The following RNF144B variants were observed in gnomAD, a reference collection of about 807,000 sequenced individuals.
RNF144B encodes the protein E3 ubiquitin-protein ligase RNF144B.
A neutral mutation model predicts 40.2 loss-of-function variants in RNF144B; 25 were observed. That is an observed-to-expected ratio of 0.62 (90% CI 0.45 to 0.87). The LOEUF (loss-of-function observed/expected upper bound fraction) is 0.87, where lower values mean the gene tolerates loss of function less well. Ranked by LOEUF, RNF144B falls within the 40% of genes least tolerant of loss-of-function variation. The pLI, the probability that RNF144B is intolerant of heterozygous loss-of-function variation, is 0.00. For missense variants in RNF144B, 365 were observed against 373.7 expected, an observed-to-expected ratio of 0.98 and a Z score of 0.19; for synonymous variants, 145 against 136.3, an observed-to-expected ratio of 1.06 and a Z score of -0.44.
chr6:18,397,788 C>T (rs1325802066), intron 1 of RNF144B, among the ~76,000 whole-genome samples: 1 of 152,052 alleles, frequency 6.6e-6, no homozygotes, highest in African/African-American at 2.4e-5. Context: ...CAAGGCAGCT[C>T]TGGTGTAATG....
chr6:18,432,728 C>G (rs930398039), intron 3 of RNF144B, among the ~76,000 whole-genome samples: 3 of 152,226 alleles, frequency 2.0e-5, no homozygotes, highest in Admixed American at 6.5e-5. Context: ...TGAATAGTAC[C>G]TGCCATTACA....
chr6:18,437,119 T>G lies in RNF144B; in HGVS notation c.271-2565T>G, dbSNP rs113276963. 4.6e-3 allele frequency among the ~76,000 whole-genome samples: 704 copies of G among 152,282 alleles called. 2 individuals are homozygous for G. Among genetic ancestry groups the G allele is most frequent in the Non-Finnish European group, 7.4e-3 (504 of 68,020 alleles). On this transcript the variant is annotated intron_variant, in intron 3 of 7. Transcript: ENST00000259939. ...CTAGGCTTCCAGACCAAAGCTTTAC[T>G]CATGGTAAGCTGTCAACAAATATTT...
Position 18,407,386 on chromosome 6 carries a change from T to C in RNF144B, c.165+7687T>C, listed in dbSNP as rs192156177. Among the ~76,000 whole-genome samples the C allele has an allele frequency of 7.9e-5, 12 of 152,250 alleles. No homozygotes were observed. In the East Asian group the frequency reaches 1.5e-3, roughly 20 times the overall value. On this transcript the variant is annotated intron_variant, in intron 2 of 7. Coordinates refer to ENST00000259939, the MANE Select transcript of RNF144B (RefSeq NM_182757.4). ...TATTGGGTCATTTTCTTTCATGTAA[T>C]ATAGGGATAATAAGAAATCATCTCA...
chr6:18,429,445 G>A (rs1485738995), intron 3 of RNF144B, among the ~76,000 whole-genome samples: 2 of 152,130 alleles, frequency 1.3e-5, no homozygotes, highest in Admixed American at 1.3e-4. Context: ...TTGTGTCTGG[G>A]CATCCTGTGT....
intron 2 of RNF144B, among the ~76,000 whole-genome samples, chr6:18,401,186 G>T (rs1203276187): frequency 6.6e-6 from 1 of 152,058 alleles, no homozygotes; most frequent in Non-Finnish European, 1.5e-5. Context: ...CAGAATTTAA[G>T]CGTGTGCGTC....
At position 18,446,863 on chromosome 6, in the gene RNF144B, G is replaced by GTC. The variant is rs1458054171; in HGVS notation, c.331+7120_331+7121insCT. Reference sequence around the variant, plus strand: ...AGGGTGTGTGTGTGTGTGTGTGTGTGTGTGTGTGTGTCTGTGTGTGTGTTG... The same window carrying GTC: ...AGGGTGTGTGTGTGTGTGTGTGTGTGTCTGTGTGTGTGTCTGTGTGTGTGTTG... On this transcript the variant is annotated intron_variant, in intron 4 of 7. Coordinates refer to ENST00000259939, the MANE Select transcript of RNF144B (RefSeq NM_182757.4). The surrounding 1 kb of genome is among the most constrained non-coding windows in gnomAD (Gnocchi z 4.7). Among the ~76,000 whole-genome samples, 5 of 150,798 alleles carry GTC rather than the reference G, an allele frequency of 3.3e-5. No individual in the cohort carries two copies. The highest frequency in any genetic ancestry group is 2.0e-4 in the Admixed American group (3 of 15,136).
intron 1 of RNF144B, among the ~76,000 whole-genome samples, chr6:18,391,988 A>G (rs893482898): frequency 6.8e-6 from 1 of 145,998 alleles, no homozygotes; most frequent in Non-Finnish European, 1.5e-5. Flanking sequence ...CACGGAGGTC[A>G]GGAGATCGAG....
At chr6:18,409,449 T>G (rs1024117797) in intron 2 of RNF144B, among the ~76,000 whole-genome samples, 88 of 150,030 alleles carry the variant, frequency 5.9e-4, no homozygotes, top group African/African-American at 1.5e-3. Flanking sequence ...TTGAACATAC[T>G]TTAACATATC....
At chr6:18,463,640 A>G (rs1759517082) in intron 7 of RNF144B, among the ~76,000 whole-genome samples, 1 of 152,262 alleles carries the variant, frequency 6.6e-6, no homozygotes, top group Non-Finnish European at 1.5e-5. Context: ...TGCAGAATGC[A>G]GGCAGATGTT....
intron 1 of RNF144B, among the ~76,000 whole-genome samples, chr6:18,399,280 G>A (rs1236851650): frequency 6.6e-6 from 1 of 152,120 alleles, no homozygotes; most frequent in Non-Finnish European, 1.5e-5. Context: ...CTCATATGAT[G>A]TGAATCAGGA....
chr6:18,466,003 C>T lies in RNF144B; in HGVS notation c.*936C>T, dbSNP rs369515506. ...TAAATATTAAAGTGCGTATTATGTA[C>T]ATCTAGAATCCATGTGACTTGCAGC... On this transcript the variant is annotated 3_prime_UTR_variant, in exon 8 of 8. Coordinates refer to ENST00000259939, the MANE Select transcript of RNF144B (RefSeq NM_182757.4). 7.9e-5 allele frequency: 12 copies of T among 152,350 alleles called. No homozygotes were observed. In the East Asian group the frequency reaches 2.1e-3, roughly 27 times the overall value. The allele number at this position is 152,350 out of a possible 1,614,324, so 9.4% of individuals were successfully genotyped here. A position where few individuals can be genotyped will look rare whatever the true frequency, so the allele number is the denominator to read the frequency against.
chr6:18,449,908 A>C (rs575230509), intron 4 of RNF144B, among the ~76,000 whole-genome samples: 2 of 152,312 alleles, frequency 1.3e-5, no homozygotes, highest in African/African-American at 2.4e-5. Context: ...CAATAAATGT[A>C]CTTTGAGCTC....
rs912817801 is a variant in RNF144B at position 18,459,891 on chromosome 6, T to C, written c.681+140T>C. 8 of 764,558 alleles carry C rather than the reference T, an allele frequency of 1.0e-5. No homozygotes were observed. The African/African-American group carries it at 1.4e-4, about 13-fold the overall frequency. The allele number at this position is 764,558 out of a possible 1,614,324, so 47.4% of individuals were successfully genotyped here. A position where few individuals can be genotyped will look rare whatever the true frequency, so the allele number is the denominator to read the frequency against. ...ATTTATTTTTCTTAATGAGACTTAC[T>C]AAGCCTGATACTTTAGATATCTAAA... On this transcript the variant is annotated intron_variant, in intron 6 of 7. Transcript: ENST00000259939. The surrounding 1 kb of genome is among the most constrained non-coding windows in gnomAD (Gnocchi z 4.2).
chr6:18,423,586 T>A (rs1562048153), intron 2 of RNF144B, among the ~76,000 whole-genome samples: 1 of 152,184 alleles, frequency 6.6e-6, no homozygotes. Flanking sequence ...CGGAATCTGA[T>A]ACCCTTGAAA....
chr6:18,409,782 C>G (rs539932172), intron 2 of RNF144B, among the ~76,000 whole-genome samples: 1 of 152,066 alleles, frequency 6.6e-6, no homozygotes, highest in East Asian at 1.9e-4. Context: ...GTTGGCCAAG[C>G]TGGTCTCGAT....
intron 2 of RNF144B, among the ~76,000 whole-genome samples, 179 bp from the exon 3 acceptor site, chr6:18,427,402 C>G (rs887797683): frequency 2.0e-5 from 3 of 152,144 alleles, no homozygotes; most frequent in Non-Finnish European, 2.9e-5. Context: ...AATTGCCTGT[C>G]TCTGCATTCT....
chr6:18,437,940 G>A (rs1026493663), intron 3 of RNF144B, among the ~76,000 whole-genome samples: 4 of 152,138 alleles, frequency 2.6e-5, no homozygotes, highest in African/African-American at 9.7e-5. Context: ...TTTAAAAGGA[G>A]GTCATCAGTC....
chr6:18,414,361 A>G lies in RNF144B; in HGVS notation c.166-13220A>G, dbSNP rs551533093. On this transcript the variant is annotated intron_variant, in intron 2 of 7. Transcript: ENST00000259939. This position sits in a 1 kb window ranked among gnomAD's most constrained non-coding sequence, Gnocchi z 4.9. Reference sequence around the variant, plus strand: ...CTATCATTCCATGTATAGAAATAATATCTTCTTGAGGAAACTGTTAAGCGT... The same window carrying G: ...CTATCATTCCATGTATAGAAATAATGTCTTCTTGAGGAAACTGTTAAGCGT... Among the ~76,000 whole-genome samples the G allele has an allele frequency of 1.3e-4, 20 of 152,160 alleles. No homozygotes were observed. Among genetic ancestry groups the G allele is most frequent in the Non-Finnish European group, 2.9e-4 (20 of 68,032 alleles).
In RNF144B at chr6:18,464,962, C is replaced by G; in HGVS notation, c.807C>G (p.Ala269=). 1 of 1,613,922 alleles carries G rather than the reference C, an allele frequency of 6.2e-7. No homozygotes were observed. Among genetic ancestry groups the G allele is most frequent in the East Asian group, 2.2e-5 (1 of 44,854 alleles). Residue 269 remains alanine (A), a synonymous_variant, in exon 8 of 8, where the codon GCC becomes GCG. Coordinates refer to ENST00000259939, the MANE Select transcript of RNF144B (RefSeq NM_182757.4). The surrounding 1 kb of genome is among the most constrained non-coding windows in gnomAD (Gnocchi z 6.1). ...TTCTCGTAGGCTTGGGCATCATTGCCTTGGTTACTTCACCCTTGTTACTCC... is the reference window on the plus strand; with the variant it reads ...TTCTCGTAGGCTTGGGCATCATTGCGTTGGTTACTTCACCCTTGTTACTCC... ...VGILVGLGII[A]LVTSPLLLLA... is the part of the protein sequence containing the mutation.
Sources: gnomAD v4.1 joint callset for allele counts (sites outside exome capture counted in the v4.1 genomes callset) on GRCh38, gnomAD v4.1.1 for gene constraint, Gnocchi (gnomAD v3.1) non-coding constraint, MANE v1.5 for transcripts, NCBI Gene and HGNC (gene_info 2026-07-23, HGNC 2026-07-21) for gene names.